Variants in PPM1E observed in about 807,000 individuals in gnomAD.
PPM1E encodes protein phosphatase, Mg2+/Mn2+ dependent 1E, also known as protein phosphatase 1E.
PPM1E carries 20 observed loss-of-function variants against 65.9 expected under a neutral mutation model. The ratio of observed to expected loss-of-function variants is 0.30; its 90% CI spans 0.21 to 0.44. The LOEUF is 0.44. Ranked by LOEUF, PPM1E falls within the 20% of genes least tolerant of loss-of-function variation. The pLI, the probability that PPM1E is intolerant of heterozygous loss-of-function variation, is 1.00. For synonymous variants in PPM1E, 352 were observed against 374.9 expected, an observed-to-expected ratio of 0.94 and a Z score of 0.70; for missense variants, 713 against 953.1, an observed-to-expected ratio of 0.75 and a Z score of 3.32.
chr17:58,759,327 A>G (rs1192567909), intron 1 of PPM1E, among the ~76,000 whole-genome samples: 1 of 152,206 alleles, frequency 6.6e-6, no homozygotes, highest in South Asian at 2.1e-4. Flanking sequence ...AATAATTTCA[A>G]TGACAATCTG....
At chr17:58,833,525 C>A (rs1441829583) in intron 1 of PPM1E, among the ~76,000 whole-genome samples, 3 of 151,726 alleles carry the variant, frequency 2.0e-5, no homozygotes, top group Non-Finnish European at 4.4e-5. Context: ...TAAAGGCCTC[C>A]AGTTGCACCC....
In PPM1E at chr17:58,944,551, GGCTTTTC is replaced by G. The variant is rs1419868450; in HGVS notation, c.465-11097_465-11091del. Among the ~76,000 whole-genome samples the G allele has an allele frequency of 8.6e-3, 1,301 of 151,936 alleles. 17 individuals carry two copies. The highest frequency in any genetic ancestry group is 0.029 in the African/African-American group (1,213 of 41,416). ...CTGCTTCTATAAATTTCCTATTCTG[GGCTTTTC>G]ATATAATTATTATTATAGAATTATA... On this transcript the variant is annotated intron_variant, in intron 1 of 6. Transcript: ENST00000308249.
At chr17:58,776,171 T>C (rs2049992219) in intron 1 of PPM1E, among the ~76,000 whole-genome samples, 1 of 151,636 alleles carries the variant, frequency 6.6e-6, no homozygotes, top group Admixed American at 6.6e-5. Context: ...CAAAAACCTT[T>C]TAAAAATTAG....
At chr17:58,759,196 G>A (rs192372577) in intron 1 of PPM1E, among the ~76,000 whole-genome samples, 96 of 152,290 alleles carry the variant, frequency 6.3e-4, no homozygotes, top group African/African-American at 1.8e-3. Flanking sequence ...CTGAGCACAG[G>A]AGGCCGAGGC....
At chr17:58,900,235 G>A (rs1210956267) in intron 1 of PPM1E, among the ~76,000 whole-genome samples, 1 of 152,160 alleles carries the variant, frequency 6.6e-6, no homozygotes. Context: ...TTCTACTGTG[G>A]GCAAAATGTT....
At chr17:58,948,842 G>T (rs2052198400) in intron 1 of PPM1E, among the ~76,000 whole-genome samples, 1 of 152,026 alleles carries the variant, frequency 6.6e-6, no homozygotes, top group Non-Finnish European at 1.5e-5. Flanking sequence ...ACTTGTTATT[G>T]GTTTCTAGTT....
intron 1 of PPM1E, among the ~76,000 whole-genome samples, chr17:58,893,877 C>T (rs2051378728): frequency 6.6e-6 from 1 of 152,166 alleles, no homozygotes; most frequent in East Asian, 1.9e-4. Flanking sequence ...TCAAGACCAG[C>T]TTGGGCAACA....
chr17:58,903,263 C>CTCCATCCAGCCATTT (rs1404300874), intron 1 of PPM1E, among the ~76,000 whole-genome samples: 2 of 152,176 alleles, frequency 1.3e-5, no homozygotes, highest in African/African-American at 4.8e-5. Flanking sequence ...TCCCAAGGTA[C>CTCCATCCAGCCATTT]TCCATCCAGC....
chr17:58,786,664 C>T (rs1490767580), intron 1 of PPM1E, among the ~76,000 whole-genome samples: 2 of 152,130 alleles, frequency 1.3e-5, no homozygotes, highest in Admixed American at 1.3e-4. Flanking sequence ...TTTTGGATTG[C>T]AGTTGACCAT....
chr17:58,888,777 T>C (rs561787653), intron 1 of PPM1E, among the ~76,000 whole-genome samples: 1 of 152,236 alleles, frequency 6.6e-6, no homozygotes, highest in Non-Finnish European at 1.5e-5. Context: ...GCAAATTATC[T>C]TCCAAAACTA....
Position 58,965,857 on chromosome 17 carries a change from C to T in PPM1E, c.747C>T (p.Val249=), listed in dbSNP as rs2030205576. 2.5e-6 allele frequency: 4 copies of T among 1,614,054 alleles called. No individual in the cohort carries two copies. The highest frequency in any genetic ancestry group is 2.5e-6 in the Non-Finnish European group (3 of 1,180,020). The change falls in exon 3 of 7, where the codon GTC becomes GTT. Residue 249 remains valine (V), a synonymous_variant. Coordinates refer to ENST00000308249, the MANE Select transcript of PPM1E (RefSeq NM_014906.5). ...GCAGGAAAATGGAGGACAAACATGTCTGCATTCCTGACTTTAATATGCTCT... is the reference window on the plus strand; with the variant it reads ...GCAGGAAAATGGAGGACAAACATGTTTGCATTCCTGACTTTAATATGCTCT... ...NMRRKMEDKH[V]CIPDFNMLFN...
intron 1 of PPM1E, among the ~76,000 whole-genome samples, chr17:58,794,254 T>A (rs1286728257): frequency 6.6e-6 from 1 of 150,626 alleles, no homozygotes; most frequent in Non-Finnish European, 1.5e-5. Flanking sequence ...CAATTTTTAA[T>A]TTTTTTTTAG....
intron 1 of PPM1E, among the ~76,000 whole-genome samples, chr17:58,807,659 T>C (rs762752097): frequency 6.6e-6 from 1 of 152,104 alleles, no homozygotes. Context: ...AAGATACTTA[T>C]AACACAAATA....
At chr17:58,812,472 T>C (rs1006747846) in intron 1 of PPM1E, among the ~76,000 whole-genome samples, 6 of 152,184 alleles carry the variant, frequency 3.9e-5, no homozygotes, top group African/African-American at 1.4e-4. Flanking sequence ...TGTCATCTGA[T>C]CACCTGAGGT....
intron 1 of PPM1E, among the ~76,000 whole-genome samples, chr17:58,909,924 C>CTTTTTTTTTTTTTTTTTTTTTTTTCT (rs35833275): frequency 5.6e-5 from 5 of 90,036 alleles, no homozygotes; most frequent in Non-Finnish European, 6.2e-5. Flanking sequence ...TTTTCTTTTT[C>CTTTTTTTTTTTTTTTTTTTTTTTTCT]TTTTTTTTTT....
intron 1 of PPM1E, among the ~76,000 whole-genome samples, chr17:58,816,768 ATATATATATATATATATATATATATATT>A (rs1340815152): frequency 0.026 from 864 of 32,908 alleles, 39 homozygotes; most frequent in Non-Finnish European, 0.033. Flanking sequence ...ATATATATAT[ATATATATATATATATATATATATATATT>A]TTTTTTTTTT....
chr17:58,972,484 G>A (rs1567895467), intron 5 of PPM1E, among the ~76,000 whole-genome samples: 1 of 152,068 alleles, frequency 6.6e-6, no homozygotes. Context: ...CCGAGTAGCT[G>A]GGATTACAGG....
chr17:58,884,570 A>G (rs1362786546), intron 1 of PPM1E, among the ~76,000 whole-genome samples: 1 of 152,146 alleles, frequency 6.6e-6, no homozygotes, highest in Non-Finnish European at 1.5e-5. Context: ...GAATATTAAT[A>G]TTAGATCTGC....
At position 58,969,636 on chromosome 17, in the gene PPM1E, G is replaced by T. The variant is rs771159498; in HGVS notation, c.881G>T (p.Arg294Leu). ...ATTCACCTCCACGTTAACTTAGTCC[G>T]CCAGGAGATGTTCCCCCATGATCCT... ...ASIHLHVNLV[R>L]QEMFPHDPAE... is the part of the protein sequence containing the mutation. The change falls in exon 4 of 7, where the codon CGC becomes CTC. Residue 294 changes from arginine (R) to leucine (L), a missense_variant. Arg to Leu is a moderately radical substitution (Grantham distance 102, BLOSUM62 -2). Around this residue, in one of 6 missense-constraint regions of PPM1E, gnomAD observed 18 missense variants for 16.4 expected, o/e 1.10. Transcript: ENST00000308249. 1.2e-6 allele frequency: 2 copies of T among 1,613,976 alleles called. No homozygotes were observed. Among genetic ancestry groups the T allele is most frequent in the African/African-American group, 1.3e-5 (1 of 74,908 alleles).
Sources: gnomAD v4.1 joint callset for allele counts (sites outside exome capture counted in the v4.1 genomes callset) on GRCh38, gnomAD v4.1.1 for gene constraint, gnomAD v4.1.1 regional missense constraint, MANE v1.5 for transcripts, NCBI Gene and HGNC (gene_info 2026-07-23, HGNC 2026-07-21) for gene names.